Variants in KCNQ1OT1 observed in about 807,000 individuals in gnomAD.
The protein encoded by KCNQ1OT1 is KCNQ1 antisense RNA 2 (non-protein coding).
At chr11:2,680,358 A>T in exon 1 of KCNQ1OT1, 1 of 398,334 alleles carries the variant, frequency 2.5e-6, no homozygotes, top group East Asian at 3.6e-5. Context: ...AAATAGAAGC[A>T]GTTTACCCAC....
At position 2,625,225 on chromosome 11, in the gene KCNQ1OT1, T is replaced by C. The variant is rs1849243971; in HGVS notation, n.74770A>G. 1.5e-5 allele frequency: 6 copies of C among 398,682 alleles called. No individual in the cohort carries two copies. The East Asian group carries it at 2.1e-4, about 14-fold the overall frequency. 24.7% of individuals were successfully genotyped at this position (398,682 alleles called of 1,614,324 possible). A position where few individuals can be genotyped will look rare whatever the true frequency, so the allele number is the denominator to read the frequency against. ...GCACAAGGATTCCAATTTCTCCATG[T>C]CCCTTCCAGCAGTGGTTATTTTCTG... On this transcript the variant is annotated non_coding_transcript_exon_variant, in exon 1 of 1. Coordinates refer to ENST00000597346, the Ensembl canonical transcript of KCNQ1OT1.
At chr11:2,667,226 T>G (rs1590019027) in exon 1 of KCNQ1OT1, 1 of 398,506 alleles carries the variant, frequency 2.5e-6, no homozygotes, top group African/African-American at 2.1e-5. Flanking sequence ...CTTTCCAAAC[T>G]TCACTTCCTC....
At position 2,647,607 on chromosome 11, in the gene KCNQ1OT1, G is replaced by A. The variant is rs1212601431; in HGVS notation, n.52388C>T. On this transcript the variant is annotated non_coding_transcript_exon_variant, in exon 1 of 1. Transcript: ENST00000597346. The surrounding 1 kb of genome is among the most constrained non-coding windows in gnomAD (Gnocchi z 4.0). ...TTCTTTAAAGGTTTGGTAGAATTCA[G>A]TAGAAAACCCGTGCAATCCTGAGGT... is the stretch of plus-strand genomic sequence containing the variant. 6 of 398,426 alleles carry A rather than the reference G, an allele frequency of 1.5e-5. No individual in the cohort carries two copies. Among genetic ancestry groups the A allele is most frequent in the Admixed American group, 8.8e-5 (2 of 22,716 alleles). 24.7% of individuals were successfully genotyped at this position (398,426 alleles called of 1,614,324 possible). A position where few individuals can be genotyped will look rare whatever the true frequency, so the allele number is the denominator to read the frequency against.
chr11:2,698,915 T>C lies in KCNQ1OT1; in HGVS notation n.1080A>G. ...AACTCAGGCAAACTCCCAGCCAGGA[T>C]GTGGACCCTAGACCCGAATTCTGAT... On this transcript the variant is annotated non_coding_transcript_exon_variant, in exon 1 of 1. Transcript: ENST00000597346. The surrounding 1 kb of genome is among the most constrained non-coding windows in gnomAD (Gnocchi z 5.1). 5.0e-6 allele frequency: 2 copies of C among 398,726 alleles called. No individual in the cohort carries two copies. The highest frequency in any genetic ancestry group is 8.8e-6 in the Non-Finnish European group (2 of 226,152). The allele number at this position is 398,726 out of a possible 1,614,324, so 24.7% of individuals were successfully genotyped here. A position where few individuals can be genotyped will look rare whatever the true frequency, so the allele number is the denominator to read the frequency against.
exon 1 of KCNQ1OT1, chr11:2,646,663 T>G: frequency 2.5e-6 from 1 of 398,628 alleles, no homozygotes; most frequent in Non-Finnish European, 4.4e-6. Context: ...GTAGCTGAAC[T>G]TCAGGTGCAG....
Position 2,662,765 on chromosome 11 carries a change from G to A in KCNQ1OT1, n.37230C>T, listed in dbSNP as rs75536236. On this transcript the variant is annotated non_coding_transcript_exon_variant, in exon 1 of 1. Transcript: ENST00000597346. ...GTCCCATTCTGGCTGCTAACCCGTT[G>A]GGGATTCCCCTTGATAAATGTCTTT... The A allele has an allele frequency of 3.8e-3, 1,535 of 399,306 alleles. 23 individuals carry two copies. The highest frequency in any genetic ancestry group is 0.028 in the African/African-American group (1,348 of 48,778). The allele number at this position is 399,306 out of a possible 1,614,324, so 24.7% of individuals were successfully genotyped here. A position where few individuals can be genotyped will look rare whatever the true frequency, so the allele number is the denominator to read the frequency against.
exon 1 of KCNQ1OT1, chr11:2,634,308 T>G: frequency 4.2e-6 from 1 of 239,476 alleles, no homozygotes. Context: ...TCCTAATGCT[T>G]TCCCTCCCCC....
exon 1 of KCNQ1OT1, chr11:2,637,495 T>C (rs963321009): frequency 6.6e-6 from 1 of 152,246 alleles, no homozygotes; most frequent in Non-Finnish European, 1.5e-5. Flanking sequence ...TGAGCGGTTT[T>C]GAGTGAGTTT....
Position 2,670,701 on chromosome 11 carries a change from T to TGCAG in KCNQ1OT1, n.29293_29294insCTGC. Reference sequence around the variant, plus strand: ...TAGCAGTAACAAGACAAAGGGATTCTGTGGCCCATGGAGCAGGAGGGAACA... The same window carrying TGCAG: ...TAGCAGTAACAAGACAAAGGGATTCTGCAGGTGGCCCATGGAGCAGGAGGGAACA... On this transcript the variant is annotated non_coding_transcript_exon_variant, in exon 1 of 1. Transcript: ENST00000597346. This position sits in a 1 kb window ranked among gnomAD's most constrained non-coding sequence, Gnocchi z 4.9. 2.5e-6 allele frequency: 1 copy of TGCAG among 398,552 alleles called. No individual in the cohort carries two copies. Among genetic ancestry groups the TGCAG allele is most frequent in the Non-Finnish European group, 4.4e-6 (1 of 226,124 alleles). The allele number at this position is 398,552 out of a possible 1,614,324, so 24.7% of individuals were successfully genotyped here.
rs760404656 is a variant in KCNQ1OT1, at chr11:2,615,036, T to C, written n.84959A>G. The C allele has an allele frequency of 1.3e-5, 5 of 398,276 alleles. 1 individual carries two copies. Among genetic ancestry groups the C allele is most frequent in the African/African-American group, 2.1e-5 (1 of 48,618 alleles). 24.7% of individuals were successfully genotyped at this position (398,276 alleles called of 1,614,324 possible). A position where few individuals can be genotyped will look rare whatever the true frequency, so the allele number is the denominator to read the frequency against. ...TTCCAATCTGTGAACACAGGATGTA[T>C]AGTTCTATTTATTTAAGTCTTCTTT... On this transcript the variant is annotated non_coding_transcript_exon_variant, in exon 1 of 1. Coordinates refer to ENST00000597346, the Ensembl canonical transcript of KCNQ1OT1.
chr11:2,662,138 T>A, exon 1 of KCNQ1OT1: 1 of 1,609,884 alleles, frequency 6.2e-7, no homozygotes, highest in Non-Finnish European at 8.5e-7. Context: ...GCTCAAGGAG[T>A]CAGACTTGGT....
chr11:2,677,551 C>T lies in KCNQ1OT1; in HGVS notation n.22444G>A. On this transcript the variant is annotated non_coding_transcript_exon_variant, in exon 1 of 1. Coordinates refer to ENST00000597346, the Ensembl canonical transcript of KCNQ1OT1. This position sits in a 1 kb window ranked among gnomAD's most constrained non-coding sequence, Gnocchi z 4.5. ...CTCTGCCAAGTATAAAAGATGCCCT[C>T]AGATGTTACCATATAATGCTTTACA... 2.5e-6 allele frequency: 1 copy of T among 398,584 alleles called. No individual in the cohort carries two copies. Among genetic ancestry groups the T allele is most frequent in the Non-Finnish European group, 4.4e-6 (1 of 226,060 alleles). The allele number at this position is 398,584 out of a possible 1,614,324, so 24.7% of individuals were successfully genotyped here. A position where few individuals can be genotyped will look rare whatever the true frequency, so the allele number is the denominator to read the frequency against.
At chr11:2,666,484 C>T (rs532761246) in exon 1 of KCNQ1OT1, 45 of 398,688 alleles carry the variant, frequency 1.1e-4, no homozygotes, top group Middle Eastern at 6.3e-4. Flanking sequence ...CCAAGACATT[C>T]GAGTTGCTCT....
At chr11:2,632,226 A>G (rs1467954925) in exon 1 of KCNQ1OT1, 1 of 395,970 alleles carries the variant, frequency 2.5e-6, no homozygotes, top group Non-Finnish European at 4.4e-6. Flanking sequence ...AATTTTGTGT[A>G]CTGACTTACT....
chr11:2,618,195 T>C, exon 1 of KCNQ1OT1: 1 of 398,560 alleles, frequency 2.5e-6, no homozygotes, highest in Non-Finnish European at 4.4e-6. Context: ...TTTATTTCTA[T>C]GTATGGTGTA....
At chr11:2,662,319 T>C (rs1265172300) in exon 1 of KCNQ1OT1, 1 of 584,600 alleles carries the variant, frequency 1.7e-6, no homozygotes, top group African/African-American at 1.9e-5. Context: ...AAAACCAGAC[T>C]GATCATTTTC....
chr11:2,697,332 T>A (rs1850694486), exon 1 of KCNQ1OT1: 1 of 398,480 alleles, frequency 2.5e-6, no homozygotes, highest in East Asian at 3.6e-5. Context: ...ATCAACCCTA[T>A]GAGCTACACT....
exon 1 of KCNQ1OT1, chr11:2,616,518 AT>A (rs1450840832): frequency 3.0e-5 from 12 of 397,822 alleles, no homozygotes; most frequent in Non-Finnish European, 5.3e-5. Flanking sequence ...CAGTGTGGGC[AT>A]TCACAGCTAT....
In KCNQ1OT1 at chr11:2,623,049, A is replaced by C; in HGVS notation, n.76946T>G. The stretch of plus-strand genomic sequence containing the variant: ...CAGGGGAGGGGCCTGGTGGGGGGCA[A>C]ACTTCCCCCTTGCTGTTCTCATGAT... On this transcript the variant is annotated non_coding_transcript_exon_variant, in exon 1 of 1. Transcript: ENST00000597346. This position sits in a 1 kb window ranked among gnomAD's most constrained non-coding sequence, Gnocchi z 5.2. 1 of 398,544 alleles carries C rather than the reference A, an allele frequency of 2.5e-6. No homozygotes were observed. 24.7% of individuals were successfully genotyped at this position (398,544 alleles called of 1,614,324 possible).
Sources: allele counts gnomAD v4.1 joint callset, GRCh38; gene constraint gnomAD v4.1.1; non-coding constraint Gnocchi (gnomAD v3.1); transcripts MANE v1.5; gene names NCBI Gene and HGNC (gene_info 2026-07-23, HGNC 2026-07-21).